Variants in ELOA observed in about 807,000 individuals in gnomAD.
ELOA encodes the protein elongin A.
A neutral mutation model predicts 85.2 loss-of-function variants in ELOA; 15 were observed. The observed-to-expected ratio is 0.18, with a 90% CI of 0.12 to 0.27. ELOA has a LOEUF of 0.27. Among genes scored for constraint, ELOA ranks in the 10% least tolerant of loss-of-function variants. ELOA has a pLI of 1.00. For synonymous variants in ELOA, 348 were observed against 357.2 expected (o/e 0.97, Z 0.29); for missense variants, 769 against 952.7 (o/e 0.81, Z 2.54).
intron 10 of ELOA, among the ~76,000 whole-genome samples, chr1:23,757,674 A>G (rs1009171987): frequency 6.6e-6 from 1 of 151,870 alleles, no homozygotes; most frequent in African/African-American, 2.4e-5. Flanking sequence ...AATTTTTTCT[A>G]TTTTTTAGTA....
At chr1:23,753,657 T>TG (rs1252218155) in intron 5 of ELOA, among the ~76,000 whole-genome samples, 2 of 152,116 alleles carry the variant, frequency 1.3e-5, no homozygotes, top group Non-Finnish European at 2.9e-5. Context: ...ATGTGGCAAA[T>TG]GAAAAAAAGC....
intron 10 of ELOA, among the ~76,000 whole-genome samples, chr1:23,757,363 T>C (rs1644798944): frequency 6.6e-6 from 1 of 152,142 alleles, no homozygotes; most frequent in Admixed American, 6.5e-5. Flanking sequence ...CCCAGCACTT[T>C]GGCAGGCTGA....
rs1375349945 is a variant in ELOA at position 23,760,845 on chromosome 1, G to C, written c.*1272G>C. On this transcript the variant is annotated 3_prime_UTR_variant, in exon 11 of 11. Transcript: ENST00000613537. ...TGAACAGGAGCAAGATCAGAACTTA[G>C]GAGGGCAGTGTCAGCTCCCTTGTTG... 1 of 152,300 alleles carries C rather than the reference G, an allele frequency of 6.6e-6. No individual in the cohort carries two copies. The highest frequency in any genetic ancestry group is 2.1e-4 in the South Asian group (1 of 4,826). 9.4% of individuals were successfully genotyped at this position (152,300 alleles called of 1,614,324 possible). A position where few individuals can be genotyped will look rare whatever the true frequency, so the allele number is the denominator to read the frequency against.
intron 1 of ELOA, among the ~76,000 whole-genome samples, chr1:23,747,386 G>A (rs1267006987): frequency 6.6e-6 from 1 of 152,182 alleles, no homozygotes; most frequent in African/African-American, 2.4e-5. Context: ...ATTGGGTTCA[G>A]TTGCAATATC....
chr1:23,754,458 C>A lies in ELOA; in HGVS notation c.1789C>A (p.His597Asn). 1 of 1,613,514 alleles carries A rather than the reference C, an allele frequency of 6.2e-7. No homozygotes were observed. Among genetic ancestry groups the A allele is most frequent in the South Asian group, 1.1e-5 (1 of 91,038 alleles). ...GCTGTATCGCATAGAGGAATACAAT[C>A]ATGTGAGTATTCTGTTTGGGTGGGA... ...DQLYRIEEYN[H>N]VLIEETDQLW... The change falls in exon 7 of 11, where the codon CAT (histidine) becomes AAT (asparagine). Residue 597 changes from histidine to asparagine, a missense_variant and splice_region_variant. Physicochemically the swap from His to Asn is moderately conservative, Grantham distance 68. Transcript: ENST00000613537.
intron 1 of ELOA, 102 bp from the exon 2 acceptor site, chr1:23,748,919 C>CTT: frequency 1.1e-6 from 1 of 874,624 alleles, no homozygotes; most frequent in South Asian, 1.4e-5. Flanking sequence ...AGGCATAATA[C>CTT]TTATACTCAT....
rs563549447 is a variant in ELOA, at chr1:23,761,508, G to T, written c.*1935G>T. The T allele has an allele frequency of 6.6e-6, 1 of 152,254 alleles. No individual in the cohort carries two copies. Among genetic ancestry groups the T allele is most frequent in the South Asian group, 2.1e-4 (1 of 4,822 alleles). The allele number at this position is 152,254 out of a possible 1,614,324, so 9.4% of individuals were successfully genotyped here. A position where few individuals can be genotyped will look rare whatever the true frequency, so the allele number is the denominator to read the frequency against. On this transcript the variant is annotated 3_prime_UTR_variant, in exon 11 of 11. Coordinates refer to ENST00000613537, the MANE Select transcript of ELOA (RefSeq NM_003198.3). ...TTAGGCAGGGAGGGAAGAAAAAACA[G>T]ATTTGTTCATAGCAATGTCAGTATC...
At chr1:23,754,338 G>A (rs1644785613) in intron 6 of ELOA, 25 bp from the exon 7 acceptor site, 6 of 1,614,068 alleles carry the variant, frequency 3.7e-6, no homozygotes, top group African/African-American at 1.3e-5. Flanking sequence ...GCTACTCAGT[G>A]TCTTCACCTT....
chr1:23,756,392 T>G lies in ELOA; in HGVS notation c.2084+7T>G, dbSNP rs1263367810. ...CTGTCCCTGAGAAAATCAAGTAAGA[T>G]CTGTGTTCTTACCTGGCTTTTGTGT... On this transcript the variant is annotated splice_region_variant and intron_variant, in intron 9 of 10. Transcript: ENST00000613537. 1.3e-6 allele frequency: 2 copies of G among 1,558,714 alleles called. No individual in the cohort carries two copies. Among genetic ancestry groups the G allele is most frequent in the South Asian group, 2.4e-5 (2 of 84,522 alleles).
chr1:23,755,310 A>G (rs1644789465), intron 7 of ELOA, among the ~76,000 whole-genome samples: 1 of 152,166 alleles, frequency 6.6e-6, no homozygotes, highest in Non-Finnish European at 1.5e-5. Flanking sequence ...TGTTACACAG[A>G]TTTTTGTGAT....
At chr1:23,748,061 G>A (rs1188792444) in intron 1 of ELOA, among the ~76,000 whole-genome samples, 1 of 152,214 alleles carries the variant, frequency 6.6e-6, no homozygotes, top group African/African-American at 2.4e-5. Context: ...ACTTTTGTTA[G>A]AGCAAGTAGG....
Position 23,752,007 on chromosome 1 carries a change from G to C in ELOA, c.1402G>C (p.Ala468Pro). The change falls in exon 4 of 11, where the codon GCT becomes CCT. Residue 468 changes from alanine (A) to proline (P), a missense_variant. Coordinates refer to ENST00000613537, the MANE Select transcript of ELOA (RefSeq NM_003198.3). Reference protein sequence around the residue: ...NKTKSEKPAGADLAKLRKVPD... With the variant: ...NKTKSEKPAGPDLAKLRKVPD... ...AACCAAGTCAGAGAAGCCGGCTGGA[G>C]CTGATTTAGCCAAGCTGAGAAAGGT... 2 of 1,602,396 alleles carry C rather than the reference G, an allele frequency of 1.2e-6. No homozygotes were observed. The highest frequency in any genetic ancestry group is 8.5e-7 in the Non-Finnish European group (1 of 1,177,066).
chr1:23,753,228 C>G (rs1350444100), intron 5 of ELOA, among the ~76,000 whole-genome samples: 6 of 152,200 alleles, frequency 3.9e-5, no homozygotes, highest in Non-Finnish European at 5.9e-5. Flanking sequence ...AGTTTGATGG[C>G]TTGGGTTTGA....
Position 23,756,380 on chromosome 1 carries a change from A to T in ELOA, c.2079A>T (p.Lys693Asn), listed in dbSNP as rs747791183. 4 of 1,570,248 alleles carry T rather than the reference A, an allele frequency of 2.5e-6. No homozygotes were observed. The South Asian group carries it at 3.5e-5, about 14-fold the overall frequency. Reference sequence around the variant, plus strand: ...CGGGAGGAGCAGCTGTCCCTGAGAAAATCAAGTAAGATCTGTGTTCTTACC... The same window carrying T: ...CGGGAGGAGCAGCTGTCCCTGAGAATATCAAGTAAGATCTGTGTTCTTACC... ...FGTGGAAVPE[K>N]IKIKPAPYPM... Residue 693 changes from lysine (K) to asparagine (N), a missense_variant, in exon 9 of 11, where the codon AAA (lysine) becomes AAT (asparagine). Coordinates refer to ENST00000613537, the MANE Select transcript of ELOA (RefSeq NM_003198.3).
At position 23,760,782 on chromosome 1, in the gene ELOA, G is replaced by C. The variant is rs1638282237; in HGVS notation, c.*1209G>C. 6.6e-6 allele frequency: 1 copy of C among 152,184 alleles called. No homozygotes were observed. Among genetic ancestry groups the C allele is most frequent in the Admixed American group, 6.6e-5 (1 of 15,256 alleles). The allele number at this position is 152,184 out of a possible 1,614,324, so 9.4% of individuals were successfully genotyped here. ...GGAGAGTGTCTGAGCCACAGCGTCA[G>C]GATGGGGGAAACCACATGGGATCCA... On this transcript the variant is annotated 3_prime_UTR_variant, in exon 11 of 11. Transcript: ENST00000613537.
At position 23,755,250 on chromosome 1, in the gene ELOA, G is replaced by T. The variant is rs559120973; in HGVS notation, c.1792-593G>T. On this transcript the variant is annotated intron_variant, in intron 7 of 10. Transcript: ENST00000613537. ...CGTAGTGTTGGGAAGTACCTGATTTGACTTGATCGCAGTTCTACCCTTTGC... is the reference window on the plus strand; with the variant it reads ...CGTAGTGTTGGGAAGTACCTGATTTTACTTGATCGCAGTTCTACCCTTTGC... Among the ~76,000 whole-genome samples, 11 of 152,208 alleles carry T rather than the reference G, an allele frequency of 7.2e-5. 1 individual carries two copies. The South Asian group carries it at 2.1e-3, about 29-fold the overall frequency.
chr1:23,752,284 G>A, intron 4 of ELOA, 123 bp from the exon 5 acceptor site: 1 of 927,456 alleles, frequency 1.1e-6, no homozygotes, highest in Non-Finnish European at 1.7e-6. Flanking sequence ...ACATGACTGT[G>A]GCCCCCTCCA....
rs751148753 is a variant in ELOA, at chr1:23,757,000, GTAGCATCAGCTT to G, written c.2135_2146del (p.Ser712_Phe715del). 20 of 1,598,584 alleles carry G rather than the reference GTAGCATCAGCTT, an allele frequency of 1.3e-5. No individual in the cohort carries two copies. The highest frequency in any genetic ancestry group is 1.7e-5 in the Non-Finnish European group (20 of 1,174,910). ...ATGGGAAGCAGCCATGCTTCCGCCAGTAGCATCAGCTTTAACCCCAGCCCTGAGGAGCCGGCC... is the reference window on the plus strand; with the variant it reads ...ATGGGAAGCAGCCATGCTTCCGCCAGTAACCCCAGCCCTGAGGAGCCGGCC... On this transcript the variant is annotated inframe_deletion, in exon 10 of 11. Coordinates refer to ENST00000613537, the MANE Select transcript of ELOA (RefSeq NM_003198.3).
Position 23,756,224 on chromosome 1 carries a change from A to G in ELOA, c.1973-50A>G, listed in dbSNP as rs200216255. Reference sequence around the variant, plus strand: ...AAAGCCCGTGGATTATTTAAATAACAGTAGCATCTCTGCTCAAGAAGGCAG... The same window carrying G: ...AAAGCCCGTGGATTATTTAAATAACGGTAGCATCTCTGCTCAAGAAGGCAG... On this transcript the variant is annotated intron_variant, in intron 8 of 10. Transcript: ENST00000613537. The G allele has an allele frequency of 3.3e-5, 50 of 1,505,744 alleles. No homozygotes were observed. The East Asian group carries it at 8.9e-4, about 27-fold the overall frequency. The allele number at this position is 1,505,744 out of a possible 1,614,324, so 93.3% of individuals were successfully genotyped here. A position where few individuals can be genotyped will look rare whatever the true frequency, so the allele number is the denominator to read the frequency against.
Sources: gnomAD v4.1 joint callset for allele counts (sites outside exome capture counted in the v4.1 genomes callset) on GRCh38, gnomAD v4.1.1 for gene constraint, MANE v1.5 for transcripts, NCBI Gene and HGNC (gene_info 2026-07-23, HGNC 2026-07-21) for gene names.